INPP4B: variants seen among roughly 807,000 people sequenced by gnomAD.
INPP4B encodes the protein inositol polyphosphate 4-phosphatase type II.
INPP4B carries 55 observed loss-of-function variants against 122.5 expected under a neutral mutation model. The observed-to-expected ratio is 0.45, with a 90% CI of 0.36 to 0.56. The LOEUF is 0.56. INPP4B is among the 20% of genes least tolerant of loss of function. INPP4B has a pLI of 0.00. For synonymous variants in INPP4B, 403 were observed against 388.7 expected, an observed-to-expected ratio of 1.04 and a Z score of -0.43; for missense variants, 1,000 against 1,097.7, an observed-to-expected ratio of 0.91 and a Z score of 1.26.
At chr4:142,119,421 A>G (rs1193403675) in intron 21 of INPP4B, among the ~76,000 whole-genome samples, 16 of 152,290 alleles carry the variant, frequency 1.1e-4, no homozygotes, top group Middle Eastern at 3.4e-3. Flanking sequence ...GATAGAATGC[A>G]TTTAGAAAAT....
At chr4:142,151,801 C>T (rs1814070244) in intron 17 of INPP4B, among the ~76,000 whole-genome samples, 1 of 152,166 alleles carries the variant, frequency 6.6e-6, no homozygotes, top group Non-Finnish European at 1.5e-5. Context: ...CAGATGTCTT[C>T]TTGCAGTCTT....
intron 2 of INPP4B, among the ~76,000 whole-genome samples, chr4:142,686,328 T>C (rs1174270717): frequency 6.6e-6 from 1 of 152,118 alleles, no homozygotes; most frequent in African/African-American, 2.4e-5. Context: ...TAACCTTTGC[T>C]GCCAATTTGA....
chr4:142,123,753 AGAT>A (rs1561204297), intron 19 of INPP4B, among the ~76,000 whole-genome samples: 1 of 152,146 alleles, frequency 6.6e-6, no homozygotes, highest in East Asian at 1.9e-4. Flanking sequence ...TGTAAAATAG[AGAT>A]GATAATAATC....
intron 23 of INPP4B, among the ~76,000 whole-genome samples, chr4:142,096,811 T>G (rs1370425094): frequency 2.0e-5 from 3 of 152,106 alleles, no homozygotes; most frequent in African/African-American, 7.2e-5. Context: ...ATCTACAATC[T>G]TCAGTTCACT....
chr4:142,307,804 C>A (rs558185691), intron 8 of INPP4B, among the ~76,000 whole-genome samples: 30 of 152,224 alleles, frequency 2.0e-4, no homozygotes, highest in African/African-American at 7.2e-4. Flanking sequence ...TATGAAACTC[C>A]AAAATTGCAA....
At chr4:142,316,845 T>C (rs1176515174) in intron 7 of INPP4B, among the ~76,000 whole-genome samples, 2 of 152,200 alleles carry the variant, frequency 1.3e-5, no homozygotes, top group Non-Finnish European at 2.9e-5. Context: ...ACAGTGATGC[T>C]TTTCTTATGT....
chr4:142,467,275 C>T (rs760912032), intron 2 of INPP4B, among the ~76,000 whole-genome samples: 103 of 152,180 alleles, frequency 6.8e-4, no homozygotes, highest in Non-Finnish European at 5.0e-4. Context: ...GGAGAGCAGC[C>T]GTGTGGACTG....
At chr4:142,635,749 T>A (rs566671238) in intron 2 of INPP4B, among the ~76,000 whole-genome samples, 2 of 152,118 alleles carry the variant, frequency 1.3e-5, no homozygotes, top group Non-Finnish European at 2.9e-5. Flanking sequence ...AAAAAATAAC[T>A]AATGGTTATT....
At chr4:142,095,758 G>C (rs1414643355) in intron 23 of INPP4B, among the ~76,000 whole-genome samples, 1 of 152,102 alleles carries the variant, frequency 6.6e-6, no homozygotes, top group African/African-American at 2.4e-5. Flanking sequence ...TATTGGATAG[G>C]GATGAAATTT....
intron 3 of INPP4B, among the ~76,000 whole-genome samples, chr4:142,448,030 T>C (rs534520983): frequency 8.5e-5 from 13 of 152,232 alleles, no homozygotes; most frequent in African/African-American, 2.9e-4. Flanking sequence ...AAGATAGTCA[T>C]GGCCAACTAA....
chr4:142,830,820 C>T (rs13105531), intron 1 of INPP4B, among the ~76,000 whole-genome samples: 18,617 of 144,548 alleles, frequency 0.13, 1,908 homozygotes, highest in African/African-American at 0.29. Context: ...TAGAGATTAG[C>T]CTACACAACA....
At chr4:142,285,275 G>A (rs1199983573) in intron 9 of INPP4B, among the ~76,000 whole-genome samples, 1 of 151,984 alleles carries the variant, frequency 6.6e-6, no homozygotes, top group East Asian at 1.9e-4. Context: ...TGTGGCTACT[G>A]AATCACAAGA....
intron 3 of INPP4B, among the ~76,000 whole-genome samples, chr4:142,442,208 C>T (rs1288116308): frequency 4.6e-5 from 7 of 151,798 alleles, no homozygotes; most frequent in South Asian, 2.1e-4. Context: ...GTCAGGAGTT[C>T]GAGACCAGCC....
intron 1 of INPP4B, among the ~76,000 whole-genome samples, chr4:142,841,595 A>T (rs971094935): frequency 6.6e-6 from 1 of 151,926 alleles, no homozygotes; most frequent in Non-Finnish European, 1.5e-5. Context: ...ATAGTAAAAA[A>T]TATTAAGAGG....
At chr4:142,486,267 T>C (rs1209243188) in intron 2 of INPP4B, among the ~76,000 whole-genome samples, 1 of 152,200 alleles carries the variant, frequency 6.6e-6, no homozygotes, top group African/African-American at 2.4e-5. Context: ...GTATAAGAAT[T>C]CCATTTGTTC....
chr4:142,202,387 AAT>A (rs1841009229), intron 14 of INPP4B, among the ~76,000 whole-genome samples: 1 of 152,112 alleles, frequency 6.6e-6, no homozygotes, highest in East Asian at 1.9e-4. Context: ...AATGGCATGT[AAT>A]ATGTCTTTGG....
In INPP4B at chr4:142,173,679, G is replaced by A. The variant is rs1826624131; in HGVS notation, c.1312C>T (p.His438Tyr). The A allele has an allele frequency of 6.2e-7, 1 of 1,613,142 alleles. No individual in the cohort carries two copies. Among genetic ancestry groups the A allele is most frequent in the Non-Finnish European group, 8.5e-7 (1 of 1,179,374 alleles). ...ADLLLNSASQ[H>Y]SPDSLKNSLK... Reference sequence around the variant, plus strand: ...GAATTCTTCAAGCTGTCTGGAGAATGCTGGCTTGCAGAATTAAGCAGTAGG... The same window carrying A: ...GAATTCTTCAAGCTGTCTGGAGAATACTGGCTTGCAGAATTAAGCAGTAGG... Residue 438 changes from histidine (H) to tyrosine (Y), a missense_variant, in exon 16 of 26, where the codon CAT becomes TAT. Coordinates refer to ENST00000262992, the MANE Select transcript of INPP4B (RefSeq NM_001101669.3).
intron 2 of INPP4B, among the ~76,000 whole-genome samples, chr4:142,608,954 C>A (rs1200211564): frequency 6.6e-6 from 1 of 152,112 alleles, no homozygotes; most frequent in Non-Finnish European, 1.5e-5. Flanking sequence ...ACTGCTCATC[C>A]TCGATTTAGA....
rs3078719 is a variant in INPP4B at position 142,603,903 on chromosome 4, AACAC to A, written c.-191+121932_-191+121935del. ...TATCCTAATACCAAAACCAGACAAGAACACACACACACACACACACACACACAAA... is the reference window on the plus strand; with the variant it reads ...TATCCTAATACCAAAACCAGACAAGAACACACACACACACACACACACAAA... On this transcript the variant is annotated intron_variant, in intron 2 of 25. Coordinates refer to ENST00000262992, the MANE Select transcript of INPP4B (RefSeq NM_001101669.3). Among the ~76,000 whole-genome samples the A allele has an allele frequency of 3.4e-3, 499 of 148,414 alleles. 8 individuals are homozygous for A. Among genetic ancestry groups the A allele is most frequent in the East Asian group, 0.019 (96 of 5,000 alleles).
Sources: allele counts gnomAD v4.1 joint callset (sites outside exome capture counted in the v4.1 genomes callset), GRCh38; gene constraint gnomAD v4.1.1; transcripts MANE v1.5; gene names NCBI Gene and HGNC (gene_info 2026-07-23, HGNC 2026-07-21).